XPC: variants seen among roughly 807,000 people sequenced by gnomAD.
XPC encodes the protein DNA repair protein complementing XP-C cells.
XPC carries 76 observed loss-of-function variants against 95.8 expected under a neutral mutation model. The ratio of observed to expected loss-of-function variants is 0.79; its 90% CI spans 0.66 to 0.96. XPC has a LOEUF of 0.96. Ranked by LOEUF, XPC falls within the 40% of genes least tolerant of loss-of-function variation. XPC has a pLI of 0.00. For missense variants in XPC, 1,146 were observed against 1,179.8 expected (o/e 0.97, Z 0.42); for synonymous variants, 442 against 442.1 (o/e 1.00, Z 0.00).
At position 14,158,129 on chromosome 3, in the gene XPC, T is replaced by C. The variant is rs749681216; in HGVS notation, c.1754A>G (p.Tyr585Cys). 6.2e-7 allele frequency: 1 copy of C among 1,613,962 alleles called. No homozygotes were observed. The highest frequency in any genetic ancestry group is 1.1e-5 in the South Asian group (1 of 91,078). Residue 585 changes from tyrosine to cysteine, a missense_variant, in exon 9 of 16, where the codon TAC becomes TGC. Physicochemically the swap from Tyr to Cys is radical, Grantham distance 194. Transcript: ENST00000285021. This position sits in a 1 kb window ranked among gnomAD's most constrained non-coding sequence, Gnocchi z 5.2. ...DGWVRDVTQR[Y>C]DPVWMTVTRK... ...GGTCACTGTCATCCAGACTGGGTCGTACCTCTGTGTGACATCTCGGACCCA... is the reference window on the plus strand; with the variant it reads ...GGTCACTGTCATCCAGACTGGGTCGCACCTCTGTGTGACATCTCGGACCCA...
rs746526935 is a variant in XPC, at chr3:14,147,326, G to A, written c.2568C>T (p.Leu856=). ...AGCGACGCTTCAGCCTCTCCCTGATGAGCAGACCTTTGGCCAGCAACTTCC... is the reference window on the plus strand; with the variant it reads ...AGCGACGCTTCAGCCTCTCCCTGATAAGCAGACCTTTGGCCAGCAACTTCC... The part of the protein sequence containing the change: ...GNWKLLAKGL[L]IRERLKRRYG... Residue 856 remains leucine, a synonymous_variant, in exon 15 of 16, where the codon CTC becomes CTT. Coordinates refer to ENST00000285021, the MANE Select transcript of XPC (RefSeq NM_004628.5). The A allele has an allele frequency of 6.2e-7, 1 of 1,612,110 alleles. No individual in the cohort carries two copies. The highest frequency in any genetic ancestry group is 8.5e-7 in the Non-Finnish European group (1 of 1,179,244).
intron 1 of XPC, among the ~76,000 whole-genome samples, chr3:14,176,694 G>A (rs1696830058): frequency 6.6e-6 from 1 of 152,112 alleles, no homozygotes; most frequent in South Asian, 2.1e-4. Context: ...ATTTATAACC[G>A]GTATAGAAAC....
In XPC at chr3:14,148,192, C is replaced by T; in HGVS notation, c.2421-191G>A. 5.0e-6 allele frequency: 3 copies of T among 597,258 alleles called. No homozygotes were observed. In the East Asian group the frequency reaches 8.7e-5, roughly 17 times the overall value. 37.0% of individuals were successfully genotyped at this position (597,258 alleles called of 1,614,324 possible). A position where few individuals can be genotyped will look rare whatever the true frequency, so the allele number is the denominator to read the frequency against. On this transcript the variant is annotated intron_variant, in intron 13 of 15. Transcript: ENST00000285021. ...TGGAAGCTGGCACTGCCTCTTCCTC[C>T]CCAGATTCTGCCGAAGAAAGCTGGG... is the stretch of plus-strand genomic sequence containing the variant.
At chr3:14,172,833 C>T in intron 2 of XPC, 34 bp downstream of exon 2, 1 of 1,592,788 alleles carries the variant, frequency 6.3e-7, no homozygotes, top group Non-Finnish European at 8.6e-7. Context: ...TGAGAAAAAT[C>T]AAGACCCGAG....
At position 14,158,106 on chromosome 3, in the gene XPC, T is replaced by C; in HGVS notation, c.1777A>G (p.Thr593Ala). The C allele has an allele frequency of 6.2e-7, 1 of 1,613,878 alleles. No individual in the cohort carries two copies. The highest frequency in any genetic ancestry group is 8.5e-7 in the Non-Finnish European group (1 of 1,179,856). ...QRYDPVWMTV[T>A]RKCRVDAEWW... ...TCAGCATCAACCCGGCACTTGCGGG[T>C]CACTGTCATCCAGACTGGGTCGTAC... The change falls in exon 9 of 16, where the codon ACC becomes GCC. Residue 593 changes from threonine (T) to alanine (A), a missense_variant. Coordinates refer to ENST00000285021, the MANE Select transcript of XPC (RefSeq NM_004628.5). This position sits in a 1 kb window ranked among gnomAD's most constrained non-coding sequence, Gnocchi z 5.2.
intron 11 of XPC, 72 bp downstream of exon 11, chr3:14,152,263 T>C (rs368755666): frequency 7.3e-7 from 1 of 1,375,554 alleles, no homozygotes. Flanking sequence ...ATCACTTCTC[T>C]GCCCCCAGCT....
chr3:14,145,356 T>G lies in XPC; in HGVS notation c.*585A>C, dbSNP rs1695372013. On this transcript the variant is annotated 3_prime_UTR_variant, in exon 16 of 16. Coordinates refer to ENST00000285021, the MANE Select transcript of XPC (RefSeq NM_004628.5). Reference sequence around the variant, plus strand: ...GGCTTCTGTCACCACAAAATGTTACTTGGAAAACTAGATCCCAGCAGATGA... The same window carrying G: ...GGCTTCTGTCACCACAAAATGTTACGTGGAAAACTAGATCCCAGCAGATGA... 1.0e-5 allele frequency: 7 copies of G among 699,968 alleles called. No individual in the cohort carries two copies. The highest frequency in any genetic ancestry group is 4.4e-5 in the South Asian group (3 of 67,436). The allele number at this position is 699,968 out of a possible 1,614,324, so 43.4% of individuals were successfully genotyped here.
At chr3:14,160,626 A>G (rs1046026769) in intron 7 of XPC, among the ~76,000 whole-genome samples, 7 of 152,248 alleles carry the variant, frequency 4.6e-5, no homozygotes, top group African/African-American at 1.7e-4. Flanking sequence ...GGGAAAGCCC[A>G]AAACACTGTC....
At chr3:14,147,758 C>T in intron 14 of XPC, 150 bp downstream of exon 14, 1 of 691,850 alleles carries the variant, frequency 1.4e-6, no homozygotes, top group Non-Finnish European at 2.5e-6. Context: ...CTGCTGTATT[C>T]AGTGCTCGCT....
rs751490481 is a variant in XPC at position 14,148,489 on chromosome 3, C to T, written c.2420+73G>A. ...TCAACTCCCAGCAGCCCCATGCCAG[C>T]TTTCCATCCCCATCTCTGGAGCCAC... On this transcript the variant is annotated intron_variant, in intron 13 of 15. Transcript: ENST00000285021. The T allele has an allele frequency of 5.6e-4, 883 of 1,570,062 alleles. 1 individual carries two copies. The highest frequency in any genetic ancestry group is 6.0e-4 in the Non-Finnish European group (701 of 1,160,702).
At chr3:14,162,593 G>A (rs1696207292) in intron 7 of XPC, among the ~76,000 whole-genome samples, 1 of 152,144 alleles carries the variant, frequency 6.6e-6, no homozygotes, top group Admixed American at 6.6e-5. Flanking sequence ...GCATAAGAAT[G>A]ATATTGAACA....
At position 14,155,638 on chromosome 3, in the gene XPC, A is replaced by G. The variant is rs1371134102; in HGVS notation, c.2033+697T>C. Among the ~76,000 whole-genome samples, 4 of 152,150 alleles carry G rather than the reference A, an allele frequency of 2.6e-5. No individual in the cohort carries two copies. The East Asian group carries it at 7.8e-4, about 30-fold the overall frequency. On this transcript the variant is annotated intron_variant, in intron 10 of 15. Coordinates refer to ENST00000285021, the MANE Select transcript of XPC (RefSeq NM_004628.5). The stretch of plus-strand genomic sequence containing the variant: ...AGTGGCGCGATCTTGGCTCACTGCA[A>G]GCTCCGCCTCCCGGGTTCACGCCAT...
Position 14,147,960 on chromosome 3 carries a change from AGC to A in XPC, c.2460_2461del (p.Leu821ProfsTer7). The A allele has an allele frequency of 6.2e-7, 1 of 1,602,622 alleles. No homozygotes were observed. The highest frequency in any genetic ancestry group is 1.7e-4 in the Middle Eastern group (1 of 6,016). ...CTGCTCATTTTCCCAGGCAGTCAGG[AGC>A]ACGTCTTTGAATTCCTCGCAGACGA... On this transcript the variant is annotated frameshift_variant, in exon 14 of 16. Coordinates refer to ENST00000285021, the MANE Select transcript of XPC (RefSeq NM_004628.5). LOFTEE classifies it high-confidence loss of function.
rs531820915 is a variant in XPC at position 14,177,898 on chromosome 3, T to C, written c.103+568A>G. Among the ~76,000 whole-genome samples, 4 of 152,184 alleles carry C rather than the reference T, an allele frequency of 2.6e-5. No individual in the cohort carries two copies. The South Asian group carries it at 8.3e-4, about 32-fold the overall frequency. On this transcript the variant is annotated intron_variant, in intron 1 of 15. Coordinates refer to ENST00000285021, the MANE Select transcript of XPC (RefSeq NM_004628.5). ...TGACTGGACTTGCTGACGGACTGGA[T>C]GTGTGGACATAAGAAAAAGGTGGGC...
chr3:14,169,291 GA>G (rs1315224705), intron 3 of XPC, among the ~76,000 whole-genome samples: 6 of 151,580 alleles, frequency 4.0e-5, no homozygotes, highest in Non-Finnish European at 7.4e-5. Context: ...AGGATTCTTG[GA>G]AAAAAAATAA....
chr3:14,157,932 C>CAT, intron 9 of XPC, 79 bp downstream of exon 9: 1 of 1,498,896 alleles, frequency 6.7e-7, no homozygotes, highest in Non-Finnish European at 8.9e-7. Flanking sequence ...TAGTGCTGGG[C>CAT]ATATATAAGG....
chr3:14,148,218 G>T, intron 13 of XPC: 1 of 585,114 alleles, frequency 1.7e-6, no homozygotes, highest in Non-Finnish European at 3.0e-6. Flanking sequence ...GAAAGCTGGG[G>T]TGAAAGCCCC....
chr3:14,161,027 C>T (rs571943405), intron 7 of XPC, among the ~76,000 whole-genome samples: 7 of 152,298 alleles, frequency 4.6e-5, no homozygotes, highest in African/African-American at 1.4e-4. Context: ...TATCAATGTA[C>T]ATTGCTGAGG....
chr3:14,153,417 T>C (rs1695778026), intron 10 of XPC: 1 of 152,228 alleles, frequency 6.6e-6, no homozygotes, highest in African/African-American at 2.4e-5. Context: ...CTCTTTTTCA[T>C]TTTCGGTATT....
Sources: allele counts gnomAD v4.1 joint callset (sites outside exome capture counted in the v4.1 genomes callset), GRCh38; gene constraint gnomAD v4.1.1; non-coding constraint Gnocchi (gnomAD v3.1); transcripts MANE v1.5; gene names NCBI Gene and HGNC (gene_info 2026-07-23, HGNC 2026-07-21).